Variants in MTSS1 observed in about 807,000 individuals in gnomAD.
MTSS1 encodes MTSS I-BAR domain containing 1.
In MTSS1, 18 loss-of-function variants were observed where a neutral mutation model predicts 79.0. That is an observed-to-expected ratio of 0.23 (90% CI 0.16 to 0.34). The LOEUF (loss-of-function observed/expected upper bound fraction) is 0.34, where lower values mean the gene tolerates loss of function less well. Ranked by LOEUF, MTSS1 falls within the 10% of genes least tolerant of loss-of-function variation. MTSS1 has a pLI of 1.00. For missense variants in MTSS1, 815 were observed against 986.2 expected (o/e 0.83, Z 2.33); for synonymous variants, 341 against 368.6 (o/e 0.93, Z 0.86).
chr8:124,629,685 G>A (rs1363017564), intron 3 of MTSS1, among the ~76,000 whole-genome samples: 1 of 151,952 alleles, frequency 6.6e-6, no homozygotes, highest in Non-Finnish European at 1.5e-5. Flanking sequence ...ACGTTAAGTG[G>A]CCTCCTGTCC....
chr8:124,605,891 G>A (rs550855853), intron 3 of MTSS1, among the ~76,000 whole-genome samples: 2 of 151,936 alleles, frequency 1.3e-5, no homozygotes, highest in East Asian at 3.9e-4. Flanking sequence ...AACCCTTGCA[G>A]GAATGTTGTA....
At chr8:124,623,691 G>A (rs754256689) in intron 3 of MTSS1, among the ~76,000 whole-genome samples, 2 of 152,200 alleles carry the variant, frequency 1.3e-5, no homozygotes, top group South Asian at 2.1e-4. Context: ...TGGAGTGAGT[G>A]TGCAGTGGCG....
intron 1 of MTSS1, among the ~76,000 whole-genome samples, chr8:124,713,215 C>G (rs58327286): frequency 0.019 from 2,934 of 152,288 alleles, 104 homozygotes; most frequent in African/African-American, 0.068. Flanking sequence ...ACATCTCTAC[C>G]ACTGCAGAAA....
At chr8:124,614,228 G>GC (rs1836421582) in intron 3 of MTSS1, among the ~76,000 whole-genome samples, 1 of 149,240 alleles carries the variant, frequency 6.7e-6, no homozygotes, top group African/African-American at 2.5e-5. Context: ...CATGGGTCCC[G>GC]CCCCACACAG....
chr8:124,551,816 C>T lies in MTSS1; in HGVS notation c.*1176G>A, dbSNP rs1395072671. The T allele has an allele frequency of 6.6e-6, 1 of 152,552 alleles. No individual in the cohort carries two copies. The highest frequency in any genetic ancestry group is 1.5e-5 in the Non-Finnish European group (1 of 68,030). 9.4% of individuals were successfully genotyped at this position (152,552 alleles called of 1,614,324 possible). A position where few individuals can be genotyped will look rare whatever the true frequency, so the allele number is the denominator to read the frequency against. ...TCCCAGTGACAATAAACAAATCCTC[C>T]TCTCTTCAATGTTTACTGTAAAGCC... is the stretch of plus-strand genomic sequence containing the variant. On this transcript the variant is annotated 3_prime_UTR_variant, in exon 14 of 14. Coordinates refer to ENST00000518547, the MANE Select transcript of MTSS1 (RefSeq NM_014751.6).
intron 1 of MTSS1, among the ~76,000 whole-genome samples, chr8:124,709,757 C>T (rs1022214413): frequency 3.9e-5 from 6 of 152,176 alleles, no homozygotes; most frequent in East Asian, 3.9e-4. Flanking sequence ...TCCCTGAACA[C>T]GTGATCTCAC....
At chr8:124,568,299 C>A in intron 7 of MTSS1, 80 bp downstream of exon 7, 1 of 1,488,964 alleles carries the variant, frequency 6.7e-7, no homozygotes, top group South Asian at 1.3e-5. Context: ...CTCCATGACT[C>A]AACAGTGGAT....
chr8:124,602,295 G>A (rs1014524767), intron 3 of MTSS1, among the ~76,000 whole-genome samples: 1 of 150,910 alleles, frequency 6.6e-6, no homozygotes, highest in African/African-American at 2.5e-5. Flanking sequence ...CGCCTCCTGG[G>A]TGCAAGCAAT....
chr8:124,582,746 C>T lies in MTSS1; in HGVS notation c.460+2341G>A, dbSNP rs1830264419. 2.0e-5 allele frequency among the ~76,000 whole-genome samples: 3 copies of T among 152,196 alleles called. No homozygotes were observed. The South Asian group carries it at 6.2e-4, about 32-fold the overall frequency. On this transcript the variant is annotated intron_variant, in intron 6 of 13. Coordinates refer to ENST00000518547, the MANE Select transcript of MTSS1 (RefSeq NM_014751.6). This position sits in a 1 kb window ranked among gnomAD's most constrained non-coding sequence, Gnocchi z 4.8. ...CACTTGAAGGAGATGAAACAGATCC[C>T]TCGAGGTGTTCTAGTAGAAAGGGAA...
intron 9 of MTSS1, among the ~76,000 whole-genome samples, 176 bp from the exon 10 acceptor site, chr8:124,563,168 A>G (rs547320852): frequency 1.1e-4 from 17 of 152,280 alleles, no homozygotes; most frequent in African/African-American, 3.8e-4. Context: ...CGTTTTCAAA[A>G]CACCAAATCA....
intron 1 of MTSS1, among the ~76,000 whole-genome samples, chr8:124,711,397 T>C (rs1228343486): frequency 1.3e-5 from 2 of 152,212 alleles, no homozygotes; most frequent in East Asian, 3.9e-4. Context: ...CCCAGAGAGG[T>C]TGGAGCAGAG....
intron 3 of MTSS1, among the ~76,000 whole-genome samples, chr8:124,627,222 C>A (rs1447038442): frequency 6.6e-6 from 1 of 152,200 alleles, no homozygotes; most frequent in Non-Finnish European, 1.5e-5. Context: ...AAACTGGAAT[C>A]ATCTTACAGT....
chr8:124,584,964 C>T, intron 6 of MTSS1, 123 bp downstream of exon 6: 1 of 769,436 alleles, frequency 1.3e-6, no homozygotes, highest in Non-Finnish European at 2.2e-6. Context: ...GTCCTATTTG[C>T]TCCCACCTGT....
intron 3 of MTSS1, among the ~76,000 whole-genome samples, chr8:124,658,659 C>T (rs1821427807): frequency 6.6e-6 from 1 of 152,134 alleles, no homozygotes; most frequent in Non-Finnish European, 1.5e-5. Flanking sequence ...ATGGCTGAAG[C>T]AGGAGGGAGA....
In MTSS1 at chr8:124,565,722, G is replaced by A. The variant is rs1434318765; in HGVS notation, c.764C>T (p.Ser255Leu). ...LDLKGSDYSW[S>L]YQTPPSSPST... is the part of the protein sequence containing the mutation. ...GGGGGAAGAGGGTGGCGTCTGATAC[G>A]ACCAGCTGTAATCAGAACCTTTCAA... is the stretch of plus-strand genomic sequence containing the variant. Residue 255 changes from serine (S) to leucine (L), a missense_variant, in exon 9 of 14, where the codon TCG (serine) becomes TTG (leucine). Around this residue, in one of 2 missense-constraint regions of MTSS1, gnomAD observed 225 missense variants for 365.4 expected, o/e 0.62. Coordinates refer to ENST00000518547, the MANE Select transcript of MTSS1 (RefSeq NM_014751.6). The A allele has an allele frequency of 6.2e-6, 10 of 1,613,902 alleles. No individual in the cohort carries two copies. The highest frequency in any genetic ancestry group is 1.6e-4 in the Middle Eastern group (1 of 6,068).
At chr8:124,710,005 G>A (rs527367936) in intron 1 of MTSS1, among the ~76,000 whole-genome samples, 2 of 152,328 alleles carry the variant, frequency 1.3e-5, no homozygotes, top group African/African-American at 4.8e-5. Context: ...TTGGACTGTG[G>A]AACAAGGACT....
chr8:124,562,741 C>T (rs746188432), intron 10 of MTSS1, 41 bp downstream of exon 10: 9 of 1,580,852 alleles, frequency 5.7e-6, no homozygotes, highest in South Asian at 4.4e-5. Flanking sequence ...GGTCAGGACA[C>T]CAGGTGTGAC....
intron 3 of MTSS1, among the ~76,000 whole-genome samples, chr8:124,651,016 T>C (rs568579519): frequency 3.9e-5 from 6 of 152,380 alleles, no homozygotes; most frequent in African/African-American, 1.2e-4. Flanking sequence ...ATATTTAAAG[T>C]GCTTACAACA....
intron 3 of MTSS1, among the ~76,000 whole-genome samples, chr8:124,666,330 C>T (rs1488774116): frequency 1.3e-5 from 2 of 152,230 alleles, no homozygotes; most frequent in Non-Finnish European, 2.9e-5. Flanking sequence ...GGCAGCCATG[C>T]AAACTATCAA....
Sources: gnomAD v4.1 joint callset for allele counts (sites outside exome capture counted in the v4.1 genomes callset) on GRCh38, gnomAD v4.1.1 for gene constraint, gnomAD v4.1.1 regional missense constraint, Gnocchi (gnomAD v3.1) non-coding constraint, MANE v1.5 for transcripts, NCBI Gene and HGNC (gene_info 2026-07-23, HGNC 2026-07-21) for gene names.